The following ARHGAP32 variants were observed in gnomAD, a reference collection of about 807,000 sequenced individuals.
ARHGAP32 encodes the protein Rho GTPase activating protein 32, also known as rho GTPase-activating protein 32.
In ARHGAP32, 51 loss-of-function variants were observed where a neutral mutation model predicts 186.5. That is an observed-to-expected ratio of 0.27 (90% CI 0.22 to 0.35). The LOEUF (loss-of-function observed/expected upper bound fraction) is 0.35, where lower values mean the gene tolerates loss of function less well. Ranked by LOEUF, ARHGAP32 falls within the 10% of genes least tolerant of loss-of-function variation. The probability of loss-of-function intolerance (pLI) is 1.00; values close to 1 mark genes in which losing one functional copy is unlikely to be tolerated. For missense variants in ARHGAP32, 2,186 were observed against 2,623.5 expected (o/e 0.83, Z 3.64); for synonymous variants, 950 against 964.3 (o/e 0.99, Z 0.27).
intron 2 of ARHGAP32, among the ~76,000 whole-genome samples, chr11:129,141,622 T>TA (rs71472089): frequency 0.096 from 12,836 of 133,576 alleles, 615 homozygotes; most frequent in Admixed American, 0.14. Context: ...AAAGTATAAT[T>TA]AAAAAAAAAA....
intron 15 of ARHGAP32, among the ~76,000 whole-genome samples, chr11:128,982,603 C>T (rs994670618): frequency 9.2e-5 from 14 of 151,932 alleles, no homozygotes; most frequent in Middle Eastern, 3.4e-3. Flanking sequence ...CTAAAGACAA[C>T]GGGCTGGGTG....
chr11:129,018,856 T>A (rs763757035), intron 11 of ARHGAP32, among the ~76,000 whole-genome samples: 2 of 152,206 alleles, frequency 1.3e-5, no homozygotes, highest in Non-Finnish European at 2.9e-5. Context: ...ATATTACAAG[T>A]ATTCTATAGA....
chr11:128,980,377 C>A, intron 18 of ARHGAP32, 176 bp downstream of exon 18: 2 of 463,216 alleles, frequency 4.3e-6, no homozygotes, highest in Non-Finnish European at 3.8e-6. Context: ...GAATCATTTG[C>A]ATCATTCCCC....
chr11:128,966,289 TCA>T lies in ARHGAP32; in HGVS notation c.*2616_*2617del, dbSNP rs1406450380. 6.6e-6 allele frequency: 1 copy of T among 152,218 alleles called. No individual in the cohort carries two copies. Among genetic ancestry groups the T allele is most frequent in the African/African-American group, 2.4e-5 (1 of 41,440 alleles). The allele number at this position is 152,218 out of a possible 1,614,324, so 9.4% of individuals were successfully genotyped here. ...TGTCAAAATTTGAAAGTAATAACAT[TCA>T]GTTACCCCATTTGTGAAGTCCCCCA... On this transcript the variant is annotated 3_prime_UTR_variant, in exon 23 of 23. Transcript: ENST00000682385.
chr11:129,067,624 A>T (rs773266900), intron 6 of ARHGAP32, among the ~76,000 whole-genome samples: 2 of 152,070 alleles, frequency 1.3e-5, no homozygotes, highest in Non-Finnish European at 2.9e-5. Context: ...CACCGCAACA[A>T]CAACAAGTCC....
intron 12 of ARHGAP32, among the ~76,000 whole-genome samples, chr11:128,992,097 T>C (rs528175304): frequency 2.2e-4 from 33 of 152,304 alleles, no homozygotes; most frequent in Admixed American, 2.0e-3. Flanking sequence ...ATCATGATTC[T>C]ACCTAATATG....
At chr11:128,979,008 C>A in intron 18 of ARHGAP32, 93 bp from the exon 19 acceptor site, 1 of 1,177,464 alleles carries the variant, frequency 8.5e-7, no homozygotes, top group Non-Finnish European at 1.2e-6. Flanking sequence ...AAGAACCAAA[C>A]AGGCTGGAGA....
At chr11:129,186,919 T>A (rs915701506) in intron 1 of ARHGAP32, among the ~76,000 whole-genome samples, 1 of 152,124 alleles carries the variant, frequency 6.6e-6, no homozygotes, top group South Asian at 2.1e-4. Context: ...TTGGCAGGAA[T>A]GTAAATTAGG....
At chr11:129,165,528 C>T (rs1178008991) in intron 1 of ARHGAP32, among the ~76,000 whole-genome samples, 2 of 149,482 alleles carry the variant, frequency 1.3e-5, no homozygotes, top group South Asian at 2.2e-4. Context: ...ATTCTCCAGA[C>T]TCTCTGCAAA....
chr11:129,255,007 G>A (rs894845805), intron 1 of ARHGAP32, among the ~76,000 whole-genome samples: 2 of 152,098 alleles, frequency 1.3e-5, no homozygotes. Flanking sequence ...GAGGGATGCT[G>A]TATGGTCAAA....
chr11:128,991,167 A>G (rs1459679054), intron 12 of ARHGAP32, among the ~76,000 whole-genome samples: 4 of 152,222 alleles, frequency 2.6e-5, no homozygotes, highest in African/African-American at 9.6e-5. Flanking sequence ...CATTGAAAAT[A>G]TGGAGAATTA....
chr11:129,251,820 G>A (rs180895511), intron 1 of ARHGAP32, among the ~76,000 whole-genome samples: 1 of 151,198 alleles, frequency 6.6e-6, no homozygotes, highest in African/African-American at 2.4e-5. Context: ...TGTAATCCCA[G>A]CTACTCGGGG....
chr11:128,972,216 A>T, intron 22 of ARHGAP32: 1 of 299,798 alleles, frequency 3.3e-6, no homozygotes, highest in Non-Finnish European at 6.2e-6. Context: ...TTAGGAAGAA[A>T]AGGGAGCAGG....
chr11:129,027,654 T>C (rs1306344197), intron 11 of ARHGAP32, among the ~76,000 whole-genome samples: 1 of 152,192 alleles, frequency 6.6e-6, no homozygotes, highest in African/African-American at 2.4e-5. Flanking sequence ...AGTAGGTTTC[T>C]AATGAGCCAT....
Position 128,969,322 on chromosome 11 carries a change from C to T in ARHGAP32, c.5891G>A (p.Arg1964Gln), listed in dbSNP as rs1397413740. 23 of 1,614,106 alleles carry T rather than the reference C, an allele frequency of 1.4e-5. No homozygotes were observed. The highest frequency in any genetic ancestry group is 1.6e-5 in the Non-Finnish European group (19 of 1,180,050). Reference protein sequence around the residue: ...KEVRLSKEMERPWVRQPSAPE... With the variant: ...KEVRLSKEMEQPWVRQPSAPE... ...GGCAGAAGGCTGCCTAACCCAGGGTCGCTCCATCTCTTTGGAGAGCCTTAC... is the reference window on the plus strand; with the variant it reads ...GGCAGAAGGCTGCCTAACCCAGGGTTGCTCCATCTCTTTGGAGAGCCTTAC... Residue 1964 changes from arginine (R) to glutamine (Q), a missense_variant, in exon 23 of 23, where the codon CGA becomes CAA. Coordinates refer to ENST00000682385, the MANE Select transcript of ARHGAP32 (RefSeq NM_001378024.1). The surrounding 1 kb of genome is among the most constrained non-coding windows in gnomAD (Gnocchi z 4.8).
At chr11:129,264,436 T>TG (rs1945365247) in intron 1 of ARHGAP32, among the ~76,000 whole-genome samples, 2 of 152,180 alleles carry the variant, frequency 1.3e-5, no homozygotes, top group African/African-American at 4.8e-5. Context: ...AACTACCTCA[T>TG]GGGGGCACTT....
chr11:128,998,458 C>A lies in ARHGAP32; in HGVS notation c.1056G>T (p.Lys352Asn). The A allele has an allele frequency of 1.3e-6, 2 of 1,539,242 alleles. No homozygotes were observed. The highest frequency in any genetic ancestry group is 1.8e-6 in the Non-Finnish European group (2 of 1,137,128). ...TNSVPKPVSK[K>N]HGKLITFLRT... ...GTAAGAACGTAATGAGCTTGCCGTG[C>A]TTTTTAGACACTAAAAATCAATAAA... Residue 352 changes from lysine (K) to asparagine (N), a missense_variant, in exon 12 of 23, where the codon AAG becomes AAT. By Grantham distance (94) the Lys-to-Asn change is moderately conservative. This residue lies in a region of ARHGAP32 where 308 missense variants were observed against 596.5 expected (regional missense o/e 0.52). Coordinates refer to ENST00000682385, the MANE Select transcript of ARHGAP32 (RefSeq NM_001378024.1).
intron 11 of ARHGAP32, among the ~76,000 whole-genome samples, chr11:129,023,433 A>C (rs995429555): frequency 1.3e-5 from 2 of 152,192 alleles, no homozygotes; most frequent in African/African-American, 4.8e-5. Context: ...CATTTCCATT[A>C]ATCAATAATT....
intron 6 of ARHGAP32, among the ~76,000 whole-genome samples, chr11:129,073,210 C>T (rs1427472126): frequency 6.6e-6 from 1 of 152,042 alleles, no homozygotes; most frequent in Non-Finnish European, 1.5e-5. Context: ...CAAAAAATCA[C>T]AACGTGAACT....
Sources: gnomAD v4.1 joint callset for allele counts (sites outside exome capture counted in the v4.1 genomes callset) on GRCh38, gnomAD v4.1.1 for gene constraint, gnomAD v4.1.1 regional missense constraint, Gnocchi (gnomAD v3.1) non-coding constraint, MANE v1.5 for transcripts, NCBI Gene and HGNC (gene_info 2026-07-23, HGNC 2026-07-21) for gene names.